Variants in GC observed in about 807,000 individuals in gnomAD.
The protein encoded by GC is GC vitamin D binding protein, also known as vitamin D-binding protein.
In GC, 43 loss-of-function variants were observed where a neutral mutation model predicts 56.7. That is an observed-to-expected ratio of 0.76 (90% CI 0.59 to 0.98). The LOEUF (loss-of-function observed/expected upper bound fraction) is 0.98, where lower values mean the gene tolerates loss of function less well. Ranked by LOEUF, GC falls within the 50% of genes least tolerant of loss-of-function variation. The pLI, the probability that GC is intolerant of heterozygous loss-of-function variation, is 0.00. For missense variants in GC, 529 were observed against 545.9 expected, an observed-to-expected ratio of 0.97 and a Z score of 0.31; for synonymous variants, 216 against 202.7, an observed-to-expected ratio of 1.07 and a Z score of -0.56.
At chr4:71,752,486 G>C in intron 11 of GC, 32 bp downstream of exon 11, 1 of 1,581,828 alleles carries the variant, frequency 6.3e-7, no homozygotes. Context: ...AAAAGATTCT[G>C]CCATGTTAAG....
In GC at chr4:71,746,200, A is replaced by C; in HGVS notation, c.1401T>G (p.Asp467Glu). The change falls in exon 12 of 13, where the codon GAT becomes GAG. Residue 467 changes from aspartate to glutamate, a missense_variant. Transcript: ENST00000273951. ...SPPLYCDSEI[D>E]AELKNIL ...ACTACAGGATATTCTTCAATTCAGC[A>C]TCAATCTGATAATGAAAAAAGAATG... is the stretch of plus-strand genomic sequence containing the variant. 7.6e-7 allele frequency: 1 copy of C among 1,314,774 alleles called. No homozygotes were observed. Among genetic ancestry groups the C allele is most frequent in the South Asian group, 1.2e-5 (1 of 83,862 alleles). The allele number at this position is 1,314,774 out of a possible 1,614,324, so 81.4% of individuals were successfully genotyped here. A position where few individuals can be genotyped will look rare whatever the true frequency, so the allele number is the denominator to read the frequency against.
rs539084601 is a variant in GC, at chr4:71,770,752, C to G, written c.59-1352G>C. On this transcript the variant is annotated intron_variant, in intron 1 of 12. Coordinates refer to ENST00000273951, the MANE Select transcript of GC (RefSeq NM_000583.4). Reference sequence around the variant, plus strand: ...CCCACCACAGGCAATAGAACTGAAACAGGCCTGAATGGGGTAGTAGCTTCA... The same window carrying G: ...CCCACCACAGGCAATAGAACTGAAAGAGGCCTGAATGGGGTAGTAGCTTCA... 2.5e-4 allele frequency among the ~76,000 whole-genome samples: 38 copies of G among 152,244 alleles called. No homozygotes were observed. The South Asian group carries it at 7.9e-3, about 32-fold the overall frequency.
chr4:71,752,457 T>C (rs1741586007), intron 11 of GC, 61 bp downstream of exon 11: 4 of 1,329,702 alleles, frequency 3.0e-6, no homozygotes, highest in East Asian at 4.7e-5. Flanking sequence ...AATGAGTAGA[T>C]TGGAGTGCAT....
Position 71,754,974 on chromosome 4 carries a change from A to G in GC, c.1164+4T>C, listed in dbSNP as rs1741715463. On this transcript the variant is annotated splice_donor_region_variant and intron_variant, in intron 9 of 12. Coordinates refer to ENST00000273951, the MANE Select transcript of GC (RefSeq NM_000583.4). ...GCTTGATAAAGAAAATCCAACAAATATACCTTAGCATTAAAACAGGTAGTT... is the reference window on the plus strand; with the variant it reads ...GCTTGATAAAGAAAATCCAACAAATGTACCTTAGCATTAAAACAGGTAGTT... The G allele has an allele frequency of 1.3e-6, 2 of 1,563,160 alleles. No homozygotes were observed. Among genetic ancestry groups the G allele is most frequent in the Non-Finnish European group, 1.7e-6 (2 of 1,159,936 alleles).
At chr4:71,784,179 G>T, upstream of GC, 1 of 1,312,554 alleles carries the variant, frequency 7.6e-7, no homozygotes, top group Non-Finnish European at 9.8e-7. Context: ...AAACACAGAA[G>T]CAAGGGGCTG....
intron 1 of GC, among the ~76,000 whole-genome samples, chr4:71,801,974 G>A (rs1743264653): frequency 1.3e-5 from 2 of 150,156 alleles, no homozygotes; most frequent in African/African-American, 2.5e-5. Flanking sequence ...AAGACTAAGT[G>A]TTTGAAAATG....
intron 4 of GC, 78 bp from the exon 5 acceptor site, chr4:71,764,014 G>A: frequency 2.6e-6 from 3 of 1,137,766 alleles, no homozygotes; most frequent in Non-Finnish European, 3.9e-6. Flanking sequence ...ACAGTGTCTT[G>A]CCCTGTCATC....
chr4:71,756,157 A>G (rs1210342552), intron 8 of GC, among the ~76,000 whole-genome samples: 1 of 152,172 alleles, frequency 6.6e-6, no homozygotes, highest in East Asian at 1.9e-4. Flanking sequence ...TCAAATGCTT[A>G]TTGTCCAAAA....
intron 1 of GC, among the ~76,000 whole-genome samples, chr4:71,792,568 G>T (rs1205860400): frequency 6.6e-6 from 1 of 152,008 alleles, no homozygotes; most frequent in Non-Finnish European, 1.5e-5. Context: ...TTAGCCCTTT[G>T]TCAGATGGGT....
intron 6 of GC, 74 bp downstream of exon 6, chr4:71,763,334 A>T: frequency 1.4e-6 from 1 of 711,572 alleles, no homozygotes; most frequent in East Asian, 2.7e-5. Flanking sequence ...ACAGCTTCTT[A>T]AAAAAACCCT....
chr4:71,743,195 G>T (rs1250262687), intron 12 of GC, among the ~76,000 whole-genome samples: 1 of 152,150 alleles, frequency 6.6e-6, no homozygotes, highest in South Asian at 2.1e-4. Context: ...TATTACTAGG[G>T]ATCGGAATAC....
At chr4:71,762,196 C>T (rs529682866) in intron 6 of GC, among the ~76,000 whole-genome samples, 40 of 152,300 alleles carry the variant, frequency 2.6e-4, no homozygotes, top group African/African-American at 4.3e-4. Flanking sequence ...GTTGCAGCAA[C>T]GTGAGCTGGA....
chr4:71,795,416 C>T (rs1743073309), intron 1 of GC, among the ~76,000 whole-genome samples: 1 of 152,158 alleles, frequency 6.6e-6, no homozygotes, highest in African/African-American at 2.4e-5. Context: ...TATGTAATGG[C>T]CTTGTTTGTC....
At chr4:71,753,445 CG>C (rs966462212) in intron 10 of GC, among the ~76,000 whole-genome samples, 1 of 142,944 alleles carries the variant, frequency 7.0e-6, no homozygotes, top group African/African-American at 2.7e-5. Flanking sequence ...TTTGAGCTGC[CG>C]GGGGGTGCAA....
intron 11 of GC, among the ~76,000 whole-genome samples, chr4:71,748,990 CATTCACGT>C (rs1741463736): frequency 6.6e-6 from 1 of 152,074 alleles, no homozygotes; most frequent in Admixed American, 6.5e-5. Flanking sequence ...ACAAATGGGA[CATTCACGT>C]TAGGCATTGG....
At chr4:71,773,132 G>T (rs536526136) in intron 1 of GC, among the ~76,000 whole-genome samples, 1 of 151,892 alleles carries the variant, frequency 6.6e-6, no homozygotes, top group Non-Finnish European at 1.5e-5. Context: ...TGTACCATTC[G>T]GTTATAAAGA....
chr4:71,765,663 G>T lies in GC; in HGVS notation c.262-20C>A, dbSNP rs1742133445. 1 of 1,440,464 alleles carries T rather than the reference G, an allele frequency of 6.9e-7. No individual in the cohort carries two copies. Among genetic ancestry groups the T allele is most frequent in the East Asian group, 2.3e-5 (1 of 44,038 alleles). 89.2% of individuals were successfully genotyped at this position (1,440,464 alleles called of 1,614,324 possible). A position where few individuals can be genotyped will look rare whatever the true frequency, so the allele number is the denominator to read the frequency against. ...TGAGGTCTGGAGGAGAAGGAAAAAGGAAACTCATATATATATGTAAATTTC... is the reference window on the plus strand; with the variant it reads ...TGAGGTCTGGAGGAGAAGGAAAAAGTAAACTCATATATATATGTAAATTTC... On this transcript the variant is annotated intron_variant, in intron 3 of 12. Coordinates refer to ENST00000273951, the MANE Select transcript of GC (RefSeq NM_000583.4).
At chr4:71,778,892 T>C (rs989496284) in intron 1 of GC, among the ~76,000 whole-genome samples, 72 of 2,106 alleles carry the variant, frequency 0.034, no homozygotes, top group African/African-American at 0.048. Context: ...TTGCTGTCAG[T>C]TATTATTATT....
intron 11 of GC, among the ~76,000 whole-genome samples, chr4:71,746,793 A>AAC (rs1741387551): frequency 6.6e-6 from 1 of 151,376 alleles, no homozygotes; most frequent in South Asian, 2.1e-4. Context: ...AAAAAAAAAA[A>AAC]AACTACTTTA....
Sources: gnomAD v4.1 joint callset for allele counts (sites outside exome capture counted in the v4.1 genomes callset) on GRCh38, gnomAD v4.1.1 for gene constraint, MANE v1.5 for transcripts, NCBI Gene and HGNC (gene_info 2026-07-23, HGNC 2026-07-21) for gene names.